The following SUGCT variants were observed in gnomAD, a reference collection of about 807,000 sequenced individuals.
The protein encoded by SUGCT is succinyl-CoA:glutarate CoA-transferase.
Under a neutral mutation model 55.0 loss-of-function variants are expected in SUGCT, and 41 were observed. The observed-to-expected ratio is 0.74, with a 90% CI of 0.58 to 0.97. The LOEUF is 0.97. SUGCT is among the 50% of genes least tolerant of loss of function. The pLI, the probability that SUGCT is intolerant of heterozygous loss-of-function variation, is 0.00. For synonymous variants in SUGCT, 187 were observed against 200.4 expected, an observed-to-expected ratio of 0.93 and a Z score of 0.56; for missense variants, 568 against 547.8, an observed-to-expected ratio of 1.04 and a Z score of -0.37.
chr7:41,015,991 A>T, the SUGCT span, among the ~76,000 whole-genome samples: 1 of 152,210 alleles, frequency 6.6e-6, no homozygotes, highest in Non-Finnish European at 1.5e-5. Flanking sequence ...CAGCGAGAAC[A>T]GTGAACCACA....
the SUGCT span, among the ~76,000 whole-genome samples, chr7:40,943,408 C>T: frequency 6.9e-6 from 1 of 144,264 alleles, no homozygotes; most frequent in Non-Finnish European, 1.5e-5. Context: ...TTAGGTATAT[C>T]TCCTAATGCT....
intron 12 of SUGCT, among the ~76,000 whole-genome samples, chr7:40,661,300 A>G (rs774098454): frequency 2.0e-5 from 3 of 152,154 alleles, no homozygotes; most frequent in Non-Finnish European, 2.9e-5. Flanking sequence ...CCCTAAAACC[A>G]ACCGCTTCAG....
intron 12 of SUGCT, among the ~76,000 whole-genome samples, chr7:40,653,832 C>T (rs1283192444): frequency 6.6e-6 from 1 of 152,094 alleles, no homozygotes; most frequent in East Asian, 1.9e-4. Flanking sequence ...TATTGTTTTT[C>T]TCTTCTTGAA....
At chr7:40,526,968 A>G (rs1793831581) in intron 12 of SUGCT, among the ~76,000 whole-genome samples, 1 of 152,180 alleles carries the variant, frequency 6.6e-6, no homozygotes, top group African/African-American at 2.4e-5. Flanking sequence ...TTCACTTAAT[A>G]CTAATTTTTT....
chr7:40,249,327 A>ATC (rs1562612076), intron 7 of SUGCT, among the ~76,000 whole-genome samples: 2 of 117,712 alleles, frequency 1.7e-5, no homozygotes, highest in South Asian at 2.4e-4. Flanking sequence ...ATATATATAT[A>ATC]TATATATATA....
At chr7:40,345,646 A>G (rs920149748) in intron 9 of SUGCT, among the ~76,000 whole-genome samples, 3 of 151,898 alleles carry the variant, frequency 2.0e-5, no homozygotes, top group Non-Finnish European at 4.4e-5. Context: ...TATTTTTGTA[A>G]GGTTGTGTTT....
At chr7:40,265,683 A>G (rs1791524277) in intron 7 of SUGCT, among the ~76,000 whole-genome samples, 1 of 152,186 alleles carries the variant, frequency 6.6e-6, no homozygotes, top group Non-Finnish European at 1.5e-5. Context: ...GGCTGGTTGC[A>G]GTGACTCAGG....
the SUGCT span, among the ~76,000 whole-genome samples, chr7:40,868,021 T>C: frequency 6.6e-6 from 1 of 152,212 alleles, no homozygotes; most frequent in Non-Finnish European, 1.5e-5. Flanking sequence ...TTACAAGTTC[T>C]ATGAGACAGA....
At chr7:40,994,729 G>A in the SUGCT span, among the ~76,000 whole-genome samples, 1 of 152,144 alleles carries the variant, frequency 6.6e-6, no homozygotes. Context: ...CTGGTAGGAG[G>A]TGACTGGGAG....
At chr7:40,769,910 C>A (rs1003672964) in intron 13 of SUGCT, among the ~76,000 whole-genome samples, 9 of 152,302 alleles carry the variant, frequency 5.9e-5, no homozygotes, top group African/African-American at 2.2e-4. Context: ...GACTTCTTTC[C>A]CTCAACACTT....
At chr7:40,853,471 TCTC>T (rs1467846072) in intron 13 of SUGCT, among the ~76,000 whole-genome samples, 1 of 152,060 alleles carries the variant, frequency 6.6e-6, no homozygotes, top group Non-Finnish European at 1.5e-5. Context: ...CTCAAGAAAT[TCTC>T]CTGCCTCAGC....
chr7:40,162,939 C>A (rs1383399171), intron 1 of SUGCT, among the ~76,000 whole-genome samples: 1 of 152,174 alleles, frequency 6.6e-6, no homozygotes, highest in Non-Finnish European at 1.5e-5. Context: ...TTGGGCAGGA[C>A]TGGCGGGGTT....
intron 9 of SUGCT, among the ~76,000 whole-genome samples, chr7:40,435,287 C>T (rs1202640697): frequency 3.3e-5 from 5 of 152,146 alleles, no homozygotes; most frequent in Non-Finnish European, 5.9e-5. Context: ...GTATATTCAG[C>T]ATGTCACTTT....
intron 12 of SUGCT, among the ~76,000 whole-genome samples, chr7:40,681,923 G>A (rs1784263211): frequency 6.6e-6 from 1 of 152,184 alleles, no homozygotes; most frequent in African/African-American, 2.4e-5. Context: ...AGTTTTTCGA[G>A]TAGGCAGATC....
the SUGCT span, among the ~76,000 whole-genome samples, chr7:40,919,783 A>T: frequency 6.6e-6 from 1 of 152,144 alleles, no homozygotes; most frequent in Non-Finnish European, 1.5e-5. Flanking sequence ...TACTTGTGTA[A>T]TACTTTTCCA....
intron 12 of SUGCT, among the ~76,000 whole-genome samples, chr7:40,604,534 A>G (rs892241736): frequency 6.6e-6 from 1 of 152,150 alleles, no homozygotes; most frequent in African/African-American, 2.4e-5. Flanking sequence ...TTAATAGACT[A>G]GTGATCTTAA....
intron 13 of SUGCT, among the ~76,000 whole-genome samples, chr7:40,832,517 TG>T (rs1173262680): frequency 6.6e-6 from 1 of 151,818 alleles, no homozygotes; most frequent in Admixed American, 6.6e-5. Context: ...ACATCCACTC[TG>T]GGTTTTCTGT....
chr7:40,747,888 C>T (rs1029390015), intron 12 of SUGCT, among the ~76,000 whole-genome samples: 16 of 152,230 alleles, frequency 1.1e-4, no homozygotes, highest in African/African-American at 3.9e-4. Flanking sequence ...GTTCCATGCC[C>T]TCAGCCCATC....
the SUGCT span, among the ~76,000 whole-genome samples, chr7:41,016,555 A>G: frequency 1.2e-3 from 180 of 152,336 alleles, no homozygotes; most frequent in African/African-American, 3.9e-3. Context: ...TAAGCAACAT[A>G]TATTAGTAAA....
Sources: allele counts gnomAD v4.1 joint callset (sites outside exome capture counted in the v4.1 genomes callset), GRCh38; gene constraint gnomAD v4.1.1; transcripts MANE v1.5; gene names NCBI Gene and HGNC (gene_info 2026-07-23, HGNC 2026-07-21).